Variants in APH1B observed in about 807,000 individuals in gnomAD.
APH1B encodes the protein aph-1B gamma-secretase subunit.
Under a neutral mutation model 28.2 loss-of-function variants are expected in APH1B, and 27 were observed. The ratio of observed to expected loss-of-function variants is 0.96; its 90% CI spans 0.70 to 1.32. APH1B has a LOEUF of 1.32. APH1B is among the 40% of genes most tolerant of loss of function. APH1B has a pLI of 0.00. For missense variants in APH1B, 305 were observed against 313.6 expected (o/e 0.97, Z 0.21); for synonymous variants, 141 against 124.6 (o/e 1.13, Z -0.88).
At chr15:63,282,056 CA>C (rs1182004494) in intron 2 of APH1B, among the ~76,000 whole-genome samples, 1 of 152,110 alleles carries the variant, frequency 6.6e-6, no homozygotes, top group African/African-American at 2.4e-5. Flanking sequence ...TTAGAATATT[CA>C]AAATTTTCCC....
At chr15:63,277,935 G>T in intron 1 of APH1B, 199 bp downstream of exon 1, 1 of 590,776 alleles carries the variant, frequency 1.7e-6, no homozygotes, top group Non-Finnish European at 3.0e-6. Context: ...TGGGGGTCAG[G>T]GCCTTTTGCC....
Position 63,277,709 on chromosome 15 carries a change from C to A in APH1B, c.86C>A (p.Pro29Gln), listed in dbSNP as rs549467454. The change falls in exon 1 of 6, where the codon CCG becomes CAG. Residue 29 changes from proline (P) to glutamine (Q), a missense_variant. Physicochemically the swap from Pro to Gln is moderately conservative, Grantham distance 76. Coordinates refer to ENST00000261879, the MANE Select transcript of APH1B (RefSeq NM_031301.4). ...ALYVFTIATEPLRIIFLIAGA... is the reference protein window; with the variant it reads ...ALYVFTIATEQLRIIFLIAGA... ...TATGTCTTCACCATCGCCACCGAGCCGTTGCGTATCATCTTCCTCATCGCC... is the reference window on the plus strand; with the variant it reads ...TATGTCTTCACCATCGCCACCGAGCAGTTGCGTATCATCTTCCTCATCGCC... 6.8e-6 allele frequency: 11 copies of A among 1,611,430 alleles called. No homozygotes were observed. The highest frequency in any genetic ancestry group is 6.7e-5 in the African/African-American group (5 of 74,750).
chr15:63,292,930 G>A (rs574412823), intron 4 of APH1B, among the ~76,000 whole-genome samples: 2 of 152,208 alleles, frequency 1.3e-5, no homozygotes, highest in South Asian at 2.1e-4. Context: ...CATGGGCTGC[G>A]GCTGTAAGAC....
intron 4 of APH1B, among the ~76,000 whole-genome samples, chr15:63,293,601 G>A (rs1423847572): frequency 1.3e-5 from 2 of 151,488 alleles, no homozygotes; most frequent in African/African-American, 2.4e-5. Flanking sequence ...AGGTTCAAGC[G>A]ATTCTCCTGC....
At chr15:63,305,256 T>C (rs1186861079) in intron 5 of APH1B, among the ~76,000 whole-genome samples, 2 of 152,262 alleles carry the variant, frequency 1.3e-5, no homozygotes, top group Non-Finnish European at 2.9e-5. Context: ...TAAGGATTCA[T>C]ACTAAAGTAA....
chr15:63,300,544 G>A (rs956174127), intron 4 of APH1B, among the ~76,000 whole-genome samples: 3 of 152,126 alleles, frequency 2.0e-5, no homozygotes, highest in Non-Finnish European at 4.4e-5. Flanking sequence ...CATCTTCAGC[G>A]GTCTCAGCTC....
intron 4 of APH1B, among the ~76,000 whole-genome samples, chr15:63,289,070 G>A (rs1041459112): frequency 2.0e-5 from 3 of 152,082 alleles, no homozygotes; most frequent in African/African-American, 4.8e-5. Flanking sequence ...TACCAATTTG[G>A]GGATTGTATT....
intron 2 of APH1B, among the ~76,000 whole-genome samples, chr15:63,286,342 A>G (rs1330850357): frequency 6.6e-6 from 1 of 152,190 alleles, no homozygotes; most frequent in Non-Finnish European, 1.5e-5. Flanking sequence ...TTTTATGGGA[A>G]TGTCAAAAGG....
At chr15:63,288,916 GCT>G (rs777723717) in intron 4 of APH1B, among the ~76,000 whole-genome samples, 59 of 152,250 alleles carry the variant, frequency 3.9e-4, no homozygotes, top group Admixed American at 7.2e-4. Context: ...AGTTAACACG[GCT>G]CTCTCTCCCT....
At chr15:63,283,261 C>T (rs1318664133) in intron 2 of APH1B, among the ~76,000 whole-genome samples, 4 of 152,220 alleles carry the variant, frequency 2.6e-5, no homozygotes, top group African/African-American at 4.8e-5. Context: ...CACAGTCTCG[C>T]TCTGTCACCC....
chr15:63,306,691 T>C lies in APH1B; in HGVS notation c.*910T>C, dbSNP rs1272521094. ...AGCAGCTGTGCGGGGAGCTGAGTGA[T>C]GTGCCCTGGGACAGGCTTCACTGGA... On this transcript the variant is annotated 3_prime_UTR_variant, in exon 6 of 6. Coordinates refer to ENST00000261879, the MANE Select transcript of APH1B (RefSeq NM_031301.4). 1 of 152,262 alleles carries C rather than the reference T, an allele frequency of 6.6e-6. No homozygotes were observed. Among genetic ancestry groups the C allele is most frequent in the African/African-American group, 2.4e-5 (1 of 41,460 alleles). The allele number at this position is 152,262 out of a possible 1,614,324, so 9.4% of individuals were successfully genotyped here. A position where few individuals can be genotyped will look rare whatever the true frequency, so the allele number is the denominator to read the frequency against.
Position 63,307,047 on chromosome 15 carries a change from G to C in APH1B, c.*1266G>C, listed in dbSNP as rs1309401831. ...CCTTTACTATTAGAAATTGTTCCCA[G>C]TTGATGTCTTTTGGGGAGCTGGTGG... On this transcript the variant is annotated 3_prime_UTR_variant, in exon 6 of 6. Transcript: ENST00000261879. 1 of 152,172 alleles carries C rather than the reference G, an allele frequency of 6.6e-6. No homozygotes were observed. The highest frequency in any genetic ancestry group is 2.4e-5 in the African/African-American group (1 of 41,422). 9.4% of individuals were successfully genotyped at this position (152,172 alleles called of 1,614,324 possible).
chr15:63,278,799 T>A (rs2038353470), intron 1 of APH1B, among the ~76,000 whole-genome samples: 1 of 152,238 alleles, frequency 6.6e-6, no homozygotes, highest in Non-Finnish European at 1.5e-5. Flanking sequence ...GGTTGTGTAT[T>A]TTCTTGTTTT....
chr15:63,293,893 G>A (rs908458747), intron 4 of APH1B, among the ~76,000 whole-genome samples: 1 of 151,946 alleles, frequency 6.6e-6, no homozygotes, highest in African/African-American at 2.4e-5. Context: ...GCCTCAAGTA[G>A]CTGGGACCAC....
chr15:63,288,210 C>T (rs1201380129), intron 4 of APH1B, among the ~76,000 whole-genome samples: 1 of 152,178 alleles, frequency 6.6e-6, no homozygotes, highest in Non-Finnish European at 1.5e-5. Flanking sequence ...ACTGAGTTCA[C>T]ATCATGATTT....
chr15:63,283,874 G>A (rs780856715), intron 2 of APH1B, among the ~76,000 whole-genome samples: 16 of 152,106 alleles, frequency 1.1e-4, no homozygotes, highest in Non-Finnish European at 1.5e-4. Flanking sequence ...TATGGTGTAA[G>A]GTAATGGTCC....
chr15:63,284,988 G>T (rs761064893), intron 2 of APH1B, among the ~76,000 whole-genome samples: 1 of 152,002 alleles, frequency 6.6e-6, no homozygotes, highest in Non-Finnish European at 1.5e-5. Context: ...CACTTTTAAC[G>T]GTATCACTAT....
intron 4 of APH1B, among the ~76,000 whole-genome samples, chr15:63,294,985 G>A (rs1269546300): frequency 6.6e-6 from 1 of 152,174 alleles, no homozygotes; most frequent in Non-Finnish European, 1.5e-5. Context: ...CATCCTTCCA[G>A]GTGCTCAGTT....
intron 2 of APH1B, among the ~76,000 whole-genome samples, chr15:63,285,093 C>T (rs2038431717): frequency 6.6e-6 from 1 of 152,216 alleles, no homozygotes; most frequent in African/African-American, 2.4e-5. Flanking sequence ...CTCATGTCCT[C>T]ACTACCAAAT....
Sources: allele counts gnomAD v4.1 joint callset (sites outside exome capture counted in the v4.1 genomes callset), GRCh38; gene constraint gnomAD v4.1.1; transcripts MANE v1.5; gene names NCBI Gene and HGNC (gene_info 2026-07-23, HGNC 2026-07-21).